Variants in GLI3 observed in about 807,000 individuals in gnomAD.
GLI3 encodes the protein GLI family zinc finger 3, also known as transcription activator GLI3.
Under a neutral mutation model 100.8 loss-of-function variants are expected in GLI3, and 20 were observed. That is an observed-to-expected ratio of 0.20 (90% CI 0.14 to 0.29). The LOEUF (loss-of-function observed/expected upper bound fraction) is 0.29, where lower values mean the gene tolerates loss of function less well. GLI3 is among the 10% of genes least tolerant of loss of function. GLI3 has a pLI of 1.00. For synonymous variants in GLI3, 938 were observed against 860.5 expected, an observed-to-expected ratio of 1.09 and a Z score of -1.58; for missense variants, 2,040 against 2,128.5, an observed-to-expected ratio of 0.96 and a Z score of 0.82.
At chr7:42,244,484 A>T (rs1788953436) in intron 1 of GLI3, among the ~76,000 whole-genome samples, 1 of 152,178 alleles carries the variant, frequency 6.6e-6, no homozygotes, top group African/African-American at 2.4e-5. Context: ...CCTGAAATAC[A>T]AATTTATTGC....
chr7:42,260,109 T>C (rs2128711762), intron 1 of GLI3, among the ~76,000 whole-genome samples: 1 of 152,152 alleles, frequency 6.6e-6, no homozygotes, highest in Non-Finnish European at 1.5e-5. Flanking sequence ...TGGAAGGGAG[T>C]AAAGAAATTA....
intron 3 of GLI3, among the ~76,000 whole-genome samples, chr7:42,102,151 T>A (rs2128762427): frequency 1.3e-5 from 2 of 152,264 alleles, no homozygotes; most frequent in East Asian, 3.9e-4. Context: ...AACATACGTG[T>A]GCATGTGTCT....
chr7:42,125,011 C>A (rs917680973), intron 3 of GLI3, among the ~76,000 whole-genome samples: 1 of 152,192 alleles, frequency 6.6e-6, no homozygotes, highest in Non-Finnish European at 1.5e-5. Flanking sequence ...ATCCCTTCTA[C>A]AGCCAAGCTA....
At chr7:42,081,858 C>T (rs545702556) in intron 3 of GLI3, among the ~76,000 whole-genome samples, 30 of 152,006 alleles carry the variant, frequency 2.0e-4, no homozygotes, top group African/African-American at 6.5e-4. Context: ...TGAAAGTGCC[C>T]GGGAAACAGT....
intron 3 of GLI3, among the ~76,000 whole-genome samples, chr7:42,083,453 G>A (rs1785037835): frequency 6.6e-6 from 1 of 152,116 alleles, no homozygotes; most frequent in Non-Finnish European, 1.5e-5. Context: ...TGGACACTTA[G>A]GTTGCTTTGT....
In GLI3 at chr7:41,964,393, C is replaced by T. The variant is rs760205624; in HGVS notation, c.4680G>A (p.Gly1560=). Reference sequence around the variant, plus strand: ...GGGAGGTCAGCAAAGAACTCATGTCCCCGATAGCCATGTTGGTGGTGCTCA... The same window carrying T: ...GGGAGGTCAGCAAAGAACTCATGTCTCCGATAGCCATGTTGGTGGTGCTCA... ...LSMSTTNMAI[G]DMSSLLTSLA... Residue 1560 remains glycine, a synonymous_variant, in exon 15 of 15, where the codon GGG becomes GGA. Transcript: ENST00000395925. 1.6e-5 allele frequency: 26 copies of T among 1,613,954 alleles called. No homozygotes were observed. In the South Asian group the frequency reaches 2.4e-4, roughly 15 times the overall value.
chr7:41,962,457 T>C lies in GLI3; in HGVS notation c.*1873A>G, dbSNP rs574007844. 2 of 152,350 alleles carry C rather than the reference T, an allele frequency of 1.3e-5. No homozygotes were observed. Among genetic ancestry groups the C allele is most frequent in the South Asian group, 4.1e-4 (2 of 4,822 alleles). 9.4% of individuals were successfully genotyped at this position (152,350 alleles called of 1,614,324 possible). Reference sequence around the variant, plus strand: ...TCCTATGCTCAGATCAGTAGTTCTCTTTTGTTATGGGGCTGTTCCAAAGGA... The same window carrying C: ...TCCTATGCTCAGATCAGTAGTTCTCCTTTGTTATGGGGCTGTTCCAAAGGA... On this transcript the variant is annotated 3_prime_UTR_variant, in exon 15 of 15. Transcript: ENST00000395925.
intron 3 of GLI3, among the ~76,000 whole-genome samples, chr7:42,078,142 G>C (rs942690113): frequency 6.6e-6 from 1 of 152,150 alleles, no homozygotes; most frequent in African/African-American, 2.4e-5. Flanking sequence ...CGCTGAAGTC[G>C]GCTGCATCCC....
At chr7:41,980,358 T>A (rs1179731459) in intron 10 of GLI3, among the ~76,000 whole-genome samples, 1 of 152,214 alleles carries the variant, frequency 6.6e-6, no homozygotes, top group Non-Finnish European at 1.5e-5. Context: ...TCCGCACGTC[T>A]GCTTCTAGTA....
At position 42,262,212 on chromosome 7, in the gene GLI3, CCTTCCTTCCTTCT is replaced by C; in HGVS notation, c.-43+1769_-43+1781del. Among the ~76,000 whole-genome samples the C allele has an allele frequency of 3.6e-5, 5 of 139,054 alleles. 1 individual carries two copies. The highest frequency in any genetic ancestry group is 5.5e-5 in the African/African-American group (2 of 36,310). The allele number at this position is 139,054 out of a possible 152,430, so 91.2% of individuals were successfully genotyped here. A position where few individuals can be genotyped will look rare whatever the true frequency, so the allele number is the denominator to read the frequency against. ...TTTTATTTTTTTTCCTTCCTTCTTT[CCTTCCTTCCTTCT>C]TTCCTTCCTTCCTTCCTTCCTTTCT... On this transcript the variant is annotated intron_variant, in intron 1 of 2. Transcript: ENST00000678978.
chr7:41,982,574 G>C lies in GLI3; in HGVS notation c.1498-3826C>G, dbSNP rs77536876. On this transcript the variant is annotated intron_variant, in intron 10 of 14. Transcript: ENST00000395925. ...AAAAAAATCAGGGTGTGGTGGTATAGGCTTGTAGTCTCAGCCACTTGTGAG... is the reference window on the plus strand; with the variant it reads ...AAAAAAATCAGGGTGTGGTGGTATACGCTTGTAGTCTCAGCCACTTGTGAG... 4.6e-3 allele frequency among the ~76,000 whole-genome samples: 706 copies of C among 151,920 alleles called. 5 individuals are homozygous for C. The highest frequency in any genetic ancestry group is 6.6e-3 in the Non-Finnish European group (448 of 67,952).
chr7:41,968,047 A>G, intron 13 of GLI3, 124 bp from the exon 14 acceptor site: 1 of 864,190 alleles, frequency 1.2e-6, no homozygotes, highest in Non-Finnish European at 2.0e-6. Context: ...GAGAAGAAAA[A>G]CTATGTTCTG....
chr7:42,122,512 G>T (rs942657307), intron 3 of GLI3, among the ~76,000 whole-genome samples: 4 of 152,110 alleles, frequency 2.6e-5, no homozygotes, highest in Non-Finnish European at 1.5e-5. Flanking sequence ...TCAATGTCTG[G>T]ATCCAGATGC....
chr7:42,020,617 CACAAAATG>C (rs1788908658), intron 10 of GLI3, among the ~76,000 whole-genome samples: 1 of 152,220 alleles, frequency 6.6e-6, no homozygotes, highest in Non-Finnish European at 1.5e-5. Flanking sequence ...TCAACTAATT[CACAAAATG>C]TCCTCTCTCC....
At chr7:42,193,820 T>TA (rs1246195999) in intron 2 of GLI3, among the ~76,000 whole-genome samples, 5 of 152,286 alleles carry the variant, frequency 3.3e-5, no homozygotes, top group Non-Finnish European at 5.9e-5. Flanking sequence ...AGAAAAGTAC[T>TA]AAAAAGGACA....
At chr7:42,006,806 G>C (rs1403893788) in intron 10 of GLI3, among the ~76,000 whole-genome samples, 2 of 152,180 alleles carry the variant, frequency 1.3e-5, no homozygotes, top group African/African-American at 4.8e-5. Flanking sequence ...GGAGGCCCTG[G>C]TAAGTGCATT....
At chr7:42,217,818 G>T (rs1230530093) in intron 2 of GLI3, among the ~76,000 whole-genome samples, 1 of 152,196 alleles carries the variant, frequency 6.6e-6, no homozygotes, top group African/African-American at 2.4e-5. Flanking sequence ...TGACGTGTAT[G>T]TTCAAGAAAA....
At chr7:42,237,775 T>C (rs1462622733), upstream of GLI3, 1 of 152,112 alleles carries the variant, frequency 6.6e-6, no homozygotes, top group Non-Finnish European at 1.5e-5. Flanking sequence ...GGAGTGCTGC[T>C]CGCCTTACTT....
At chr7:42,064,516 G>A (rs1784635588) in intron 4 of GLI3, among the ~76,000 whole-genome samples, 1 of 152,168 alleles carries the variant, frequency 6.6e-6, no homozygotes, top group South Asian at 2.1e-4. Flanking sequence ...ATCATGAGAA[G>A]CCATGTGCCA....
Sources: allele counts gnomAD v4.1 joint callset (sites outside exome capture counted in the v4.1 genomes callset), GRCh38; gene constraint gnomAD v4.1.1; transcripts MANE v1.5; gene names NCBI Gene and HGNC (gene_info 2026-07-23, HGNC 2026-07-21).